BCL11A: variants seen among roughly 807,000 people sequenced by gnomAD.
BCL11A encodes the protein B cell CLL/lymphoma 11A.
BCL11A carries 2 observed loss-of-function variants against 55.9 expected under a neutral mutation model. That is an observed-to-expected ratio of 0.04 (90% CI 0.01 to 0.11). The LOEUF is 0.11. Among genes scored for constraint, BCL11A ranks in the 10% least tolerant of loss-of-function variants. BCL11A has a pLI of 1.00. For missense variants in BCL11A, 817 were observed against 1,137.1 expected, an observed-to-expected ratio of 0.72 and a Z score of 4.05; for synonymous variants, 465 against 473.4, an observed-to-expected ratio of 0.98 and a Z score of 0.23.
intron 2 of BCL11A, among the ~76,000 whole-genome samples, chr2:60,539,586 G>A (rs1669830892): frequency 6.6e-6 from 1 of 152,170 alleles, no homozygotes; most frequent in Non-Finnish European, 1.5e-5. Context: ...AAACTGATTA[G>A]AAATACAGTC....
chr2:60,464,724 T>C (rs1382756159), intron 3 of BCL11A, among the ~76,000 whole-genome samples: 1 of 152,228 alleles, frequency 6.6e-6, no homozygotes, highest in Admixed American at 6.5e-5. Context: ...AGGATCTCAT[T>C]TGTATCCTTT....
intron 3 of BCL11A, among the ~76,000 whole-genome samples, chr2:60,464,453 C>T (rs1345696657): frequency 6.6e-6 from 1 of 152,184 alleles, no homozygotes; most frequent in Non-Finnish European, 1.5e-5. Context: ...CTGTGGCTTC[C>T]TCCTTGTCCT....
intron 2 of BCL11A, among the ~76,000 whole-genome samples, chr2:60,481,619 A>G (rs979343065): frequency 4.6e-5 from 7 of 151,994 alleles, no homozygotes; most frequent in African/African-American, 1.7e-4. Flanking sequence ...TTTCTTCTCC[A>G]TTTCCATGGC....
In BCL11A at chr2:60,461,526, C is replaced by T; in HGVS notation, c.1386G>A (p.Ala462=). 6 of 1,608,218 alleles carry T rather than the reference C, an allele frequency of 3.7e-6. No individual in the cohort carries two copies. The highest frequency in any genetic ancestry group is 1.1e-5 in the South Asian group (1 of 91,074). ...TGAACTTGGCCACCACGGACTTGAG[C>T]GCGCTGCTGGCGCTGCCCACCAAGT... ...TSDLVGSASS[A]LKSVVAKFKS... The change falls in exon 4 of 4, where the codon GCG becomes GCA. Residue 462 remains alanine, a synonymous_variant. Coordinates refer to ENST00000642384, the MANE Select transcript of BCL11A (RefSeq NM_022893.4).
chr2:60,454,941 TCA>T (rs1408278624), downstream of BCL11A, among the ~76,000 whole-genome samples: 1 of 152,212 alleles, frequency 6.6e-6, no homozygotes, highest in Non-Finnish European at 1.5e-5. Context: ...CTCAACTACT[TCA>T]CACTTTCTGC....
At chr2:60,514,898 CAGAG>C (rs956675939) in intron 2 of BCL11A, among the ~76,000 whole-genome samples, 8 of 149,640 alleles carry the variant, frequency 5.3e-5, no homozygotes, top group Non-Finnish European at 8.9e-5. Flanking sequence ...AAAAGAGAGA[CAGAG>C]AGAGAGAGAG....
intron 2 of BCL11A, chr2:60,527,794 C>T (rs1669271060): frequency 6.6e-6 from 1 of 152,210 alleles, no homozygotes; most frequent in African/African-American, 2.4e-5. Flanking sequence ...TCTATGTTAG[C>T]CTGGCCAATT....
chr2:60,493,168 T>C (rs543562342), intron 2 of BCL11A, among the ~76,000 whole-genome samples: 1 of 116,188 alleles, frequency 8.6e-6, no homozygotes, highest in African/African-American at 3.5e-5. Flanking sequence ...TACTCTTTCA[T>C]TCTTCTACTG....
chr2:60,553,139 C>A, intron 1 of BCL11A, 77 bp downstream of exon 1: 1 of 1,449,478 alleles, frequency 6.9e-7, no homozygotes, highest in Non-Finnish European at 9.3e-7. Flanking sequence ...ACCCCTCTCT[C>A]CCCCTCGCTT....
chr2:60,531,497 A>G (rs1184127251), intron 2 of BCL11A, among the ~76,000 whole-genome samples: 1 of 152,210 alleles, frequency 6.6e-6, no homozygotes, highest in Non-Finnish European at 1.5e-5. Context: ...GGTCCCTCCA[A>G]AAAATATTAA....
At chr2:60,480,928 A>T (rs1677915397) in intron 2 of BCL11A, among the ~76,000 whole-genome samples, 1 of 152,030 alleles carries the variant, frequency 6.6e-6, no homozygotes, top group Non-Finnish European at 1.5e-5. Flanking sequence ...CTATTTTTGA[A>T]CTCATAGTTC....
intron 2 of BCL11A, among the ~76,000 whole-genome samples, chr2:60,472,306 G>A (rs776177105): frequency 7.2e-5 from 11 of 152,176 alleles, no homozygotes; most frequent in Middle Eastern, 3.2e-3. Context: ...GCAACTGCAC[G>A]GACACAGCAG....
intron 2 of BCL11A, among the ~76,000 whole-genome samples, chr2:60,507,621 C>T (rs1679721573): frequency 6.6e-6 from 1 of 152,136 alleles, no homozygotes; most frequent in South Asian, 2.1e-4. Context: ...AACAGAGTCT[C>T]TTACACAGGG....
intron 2 of BCL11A, among the ~76,000 whole-genome samples, chr2:60,540,163 C>T (rs1357626118): frequency 2.0e-5 from 3 of 151,974 alleles, no homozygotes; most frequent in Non-Finnish European, 4.4e-5. Context: ...AATAACAACA[C>T]TGCTGACATA....
At position 60,459,604 on chromosome 2, in the gene BCL11A, A is replaced by C; in HGVS notation, c.*800T>G. On this transcript the variant is annotated 3_prime_UTR_variant, in exon 4 of 4. Transcript: ENST00000642384. ...GCTAGTTCCTAAGGTTTATTACCTC[A>C]CCCAATGCTGAATTAAGCTACAAGT... The C allele has an allele frequency of 1.9e-6, 2 of 1,029,348 alleles. No homozygotes were observed. The highest frequency in any genetic ancestry group is 1.2e-6 in the Non-Finnish European group (1 of 856,074). The allele number at this position is 1,029,348 out of a possible 1,614,324, so 63.8% of individuals were successfully genotyped here. A position where few individuals can be genotyped will look rare whatever the true frequency, so the allele number is the denominator to read the frequency against.
chr2:60,545,870 T>A (rs1290948941), intron 2 of BCL11A, 101 bp downstream of exon 2: 18 of 919,284 alleles, frequency 2.0e-5, no homozygotes, highest in Non-Finnish European at 2.9e-5. Context: ...TCACATAGAG[T>A]AATAGAGAAA....
At chr2:60,454,016 A>C (rs1374562427), downstream of BCL11A, among the ~76,000 whole-genome samples, 1 of 152,160 alleles carries the variant, frequency 6.6e-6, no homozygotes, top group African/African-American at 2.4e-5. Flanking sequence ...CCATGACCGT[A>C]GATGACGCTG....
At position 60,537,160 on chromosome 2, in the gene BCL11A, ATTGAT is replaced by A. The variant is rs1390548896; in HGVS notation, c.385+8806_385+8810del. ...CTTTATCAGAATTAAATTTTTCCTTATTGATTTTTTTCTCCTTAACATAACAAAAA... is the reference window on the plus strand; with the variant it reads ...CTTTATCAGAATTAAATTTTTCCTTATTTTTTCTCCTTAACATAACAAAAA... On this transcript the variant is annotated intron_variant, in intron 2 of 3. Coordinates refer to ENST00000642384, the MANE Select transcript of BCL11A (RefSeq NM_022893.4). 6.6e-5 allele frequency: 9 copies of A among 137,168 alleles called. No homozygotes were observed. The East Asian group carries it at 1.9e-3, about 28-fold the overall frequency. 8.5% of individuals were successfully genotyped at this position (137,168 alleles called of 1,614,324 possible).
intron 2 of BCL11A, among the ~76,000 whole-genome samples, chr2:60,512,421 C>T (rs1417002210): frequency 6.6e-6 from 1 of 152,192 alleles, no homozygotes; most frequent in Non-Finnish European, 1.5e-5. Context: ...TATAAAGGAT[C>T]TGTCTCCTTC....
Sources: gnomAD v4.1 joint callset for allele counts (sites outside exome capture counted in the v4.1 genomes callset) on GRCh38, gnomAD v4.1.1 for gene constraint, MANE v1.5 for transcripts, NCBI Gene and HGNC (gene_info 2026-07-23, HGNC 2026-07-21) for gene names.